The following EEF1D variants were observed in gnomAD, a reference collection of about 807,000 sequenced individuals.
EEF1D encodes the protein eukaryotic translation elongation factor 1 delta.
A neutral mutation model predicts 63.9 loss-of-function variants in EEF1D; 47 were observed. The ratio of observed to expected loss-of-function variants is 0.74; its 90% confidence interval spans 0.58 to 0.94. The LOEUF (loss-of-function observed/expected upper bound fraction) is 0.94. Among genes scored for constraint, EEF1D ranks in the 40% least tolerant of loss-of-function variants. The pLI is 0.00. For missense variants in EEF1D, 907 were observed against 899.0 expected (o/e 1.01, Z -0.11); for synonymous variants, 412 against 386.1 (o/e 1.07, Z -0.79).
In EEF1D at chr8:143,580,832, G is replaced by A. The variant is rs986489736; in HGVS notation, c.1489-105C>T. ...TCCTCCCTCCTTTGACTGGAGGAAG[G>A]GCAGCCCCTGTGTACCGCAGCTGTG... On this transcript the variant is annotated intron_variant, in intron 7 of 9. Coordinates refer to ENST00000618139, the MANE Select transcript of EEF1D (RefSeq NM_001130053.5). 1.1e-5 allele frequency: 15 copies of A among 1,373,396 alleles called. No individual in the cohort carries two copies. The South Asian group carries it at 1.6e-4, about 14-fold the overall frequency. The allele number at this position is 1,373,396 out of a possible 1,614,324, so 85.1% of individuals were successfully genotyped here. A position where few individuals can be genotyped will look rare whatever the true frequency, so the allele number is the denominator to read the frequency against.
chr8:143,586,150 A>G, intron 5 of EEF1D, 69 bp downstream of exon 5: 2 of 1,457,128 alleles, frequency 1.4e-6, no homozygotes, highest in Non-Finnish European at 1.9e-6. Flanking sequence ...AACCAGCAGC[A>G]TCAGGAAAAA....
At chr8:143,591,439 G>GGGC (rs1827937124) in intron 2 of EEF1D, among the ~76,000 whole-genome samples, 1 of 152,186 alleles carries the variant, frequency 6.6e-6, no homozygotes, top group Non-Finnish European at 1.5e-5. Context: ...AGAAGGCCAG[G>GGGC]GGCAAATCTG....
chr8:143,596,761 C>G (rs947495536), intron 1 of EEF1D: 3 of 152,308 alleles, frequency 2.0e-5, no homozygotes, highest in African/African-American at 7.2e-5. Flanking sequence ...TCTGAAAGTA[C>G]TACTTCTTAG....
chr8:143,594,553 T>TC (rs1828488601), intron 1 of EEF1D: 1 of 152,432 alleles, frequency 6.6e-6, no homozygotes, highest in South Asian at 2.1e-4. Context: ...AGGAGCTGGC[T>TC]CCCAGGCCCT....
chr8:143,595,584 C>T (rs1828660465), intron 1 of EEF1D, among the ~76,000 whole-genome samples: 1 of 152,202 alleles, frequency 6.6e-6, no homozygotes, highest in Non-Finnish European at 1.5e-5. Context: ...CCTGGATATT[C>T]CAGCCCCACT....
intron 2 of EEF1D, chr8:143,592,299 G>C (rs1169844547): frequency 1.0e-6 from 1 of 983,848 alleles, no homozygotes; most frequent in East Asian, 1.1e-4. Context: ...AGTGGCCTCA[G>C]ACTATGTTCT....
intron 2 of EEF1D, among the ~76,000 whole-genome samples, chr8:143,591,570 T>C (rs1056043770): frequency 1.3e-5 from 2 of 152,206 alleles, no homozygotes; most frequent in Admixed American, 1.3e-4. Flanking sequence ...AACCAACGCC[T>C]AGGAGCACCC....
chr8:143,581,137 G>T lies in EEF1D; in HGVS notation c.1405C>A (p.Gln469Lys). Residue 469 changes from glutamine (Q) to lysine (K), a missense_variant, in exon 7 of 10, where the codon CAG (glutamine) becomes AAG (lysine). By Grantham distance (53) the Gln-to-Lys change is moderately conservative. Transcript: ENST00000618139. The part of the protein sequence containing the change: ...SLRGVVQELQ[Q>K]AISKLEARLN... The stretch of plus-strand genomic sequence containing the variant: ...CGGGCCTCCAGCTTGGAGATGGCCT[G>T]CTGCAGCTCCTGTACCACTGGGGGG... 6.2e-7 allele frequency: 1 copy of T among 1,612,986 alleles called. No individual in the cohort carries two copies. Among genetic ancestry groups the T allele is most frequent in the Non-Finnish European group, 8.5e-7 (1 of 1,179,968 alleles).
At chr8:143,591,094 G>A (rs1383175202) in intron 2 of EEF1D, among the ~76,000 whole-genome samples, 2 of 152,202 alleles carry the variant, frequency 1.3e-5, no homozygotes, top group South Asian at 2.1e-4. Context: ...AGCTGCCCCC[G>A]CCTCCCAGCT....
intron 5 of EEF1D, chr8:143,581,658 TCA>T: frequency 2.3e-6 from 1 of 427,492 alleles, no homozygotes; most frequent in Non-Finnish European, 4.3e-6. Context: ...GCTGAAGGAC[TCA>T]CAGTCCTAGG....
In EEF1D at chr8:143,589,233, G is replaced by A. The variant is rs530995002; in HGVS notation, c.849C>T (p.Ile283=). 5.1e-6 allele frequency: 8 copies of A among 1,572,374 alleles called. No homozygotes were observed. The highest frequency in any genetic ancestry group is 6.1e-6 in the Non-Finnish European group (7 of 1,156,860). Residue 283 remains isoleucine (I), a synonymous_variant, in exon 3 of 10, where the codon ATC becomes ATT. Coordinates refer to ENST00000618139, the MANE Select transcript of EEF1D (RefSeq NM_001130053.5). ...GCAGCCCGGCCCGCTTGTTCCCTAA[G>A]ATGTTGCGGCCCCGCCGGTCTCTGC... ...RGRRDRRGRN[I]LGNKRAGLRR...
At chr8:143,588,439 G>A (rs1827147351) in intron 3 of EEF1D, among the ~76,000 whole-genome samples, 2 of 152,208 alleles carry the variant, frequency 1.3e-5, no homozygotes, top group South Asian at 4.1e-4. Flanking sequence ...CACACAGACG[G>A]GGCACCCTGG....
intron 5 of EEF1D, chr8:143,582,149 C>G (rs1563148): frequency 0.46 from 69,889 of 152,298 alleles, 19,133 homozygotes; most frequent in Non-Finnish European, 0.62. Context: ...CGGACATACT[C>G]AGGCCTTTGC....
Position 143,591,829 on chromosome 8 carries a change from C to T in EEF1D, c.-1+818G>A, listed in dbSNP as rs915143285. Among the ~76,000 whole-genome samples the T allele has an allele frequency of 3.3e-5, 5 of 152,388 alleles. 1 individual carries two copies. The highest frequency in any genetic ancestry group is 4.1e-4 in the South Asian group (2 of 4,832). On this transcript the variant is annotated intron_variant, in intron 2 of 9. Transcript: ENST00000618139. ...CCAACAAAACCAAGGCTGGCTCCAACGCCCCCCGTGGGGTGCTGAGCTGTC... is the reference window on the plus strand; with the variant it reads ...CCAACAAAACCAAGGCTGGCTCCAATGCCCCCCGTGGGGTGCTGAGCTGTC...
At chr8:143,590,582 A>T in intron 2 of EEF1D, 2 of 1,060,438 alleles carry the variant, frequency 1.9e-6, no homozygotes, top group Non-Finnish European at 2.3e-6. Context: ...CCACTGCCAC[A>T]CCCAGAGCAC....
chr8:143,581,545 C>G (rs976612177), intron 5 of EEF1D: 1 of 585,354 alleles, frequency 1.7e-6, no homozygotes, highest in Non-Finnish European at 3.0e-6. Context: ...GGACAGGAGG[C>G]TCTTGGTGCC....
intron 3 of EEF1D, chr8:143,587,625 G>C (rs565811344): frequency 1.3e-5 from 2 of 152,256 alleles, no homozygotes; most frequent in Non-Finnish European, 2.9e-5. Context: ...CACCGTGCCC[G>C]GCCCATTTCT....
At chr8:143,590,560 G>A (rs1587211699) in intron 2 of EEF1D, 2 of 1,109,620 alleles carry the variant, frequency 1.8e-6, no homozygotes, top group Non-Finnish European at 2.2e-6. Flanking sequence ...CTCTGTGGCT[G>A]TCCTGGCCAC....
Position 143,589,598 on chromosome 8 carries a change from C to A in EEF1D, c.484G>T (p.Gly162Trp), listed in dbSNP as rs1034614339. ...NQVACHHVTW[G>W]IWVNKSSFDQ... Reference sequence around the variant, plus strand: ...AAGGAGGACTTGTTGACCCAGATCCCCCAGGTCACGTGGTGGCAGGCCACC... The same window carrying A: ...AAGGAGGACTTGTTGACCCAGATCCACCAGGTCACGTGGTGGCAGGCCACC... The change falls in exon 3 of 10, where the codon GGG becomes TGG. Residue 162 changes from glycine (G) to tryptophan (W), a missense_variant. By Grantham distance (184) the Gly-to-Trp change is radical (BLOSUM62 -2). Coordinates refer to ENST00000618139, the MANE Select transcript of EEF1D (RefSeq NM_001130053.5). 3.3e-6 allele frequency: 5 copies of A among 1,526,262 alleles called. No individual in the cohort carries two copies. Among genetic ancestry groups the A allele is most frequent in the Non-Finnish European group, 4.4e-6 (5 of 1,135,720 alleles). The allele number at this position is 1,526,262 out of a possible 1,614,324, so 94.5% of individuals were successfully genotyped here. A position where few individuals can be genotyped will look rare whatever the true frequency, so the allele number is the denominator to read the frequency against.
Sources: allele counts gnomAD v4.1 joint callset (sites outside exome capture counted in the v4.1 genomes callset), GRCh38; gene constraint gnomAD v4.1.1; transcripts MANE v1.5; gene names NCBI Gene and HGNC (gene_info 2026-07-23, HGNC 2026-07-21).